DACH2: variants seen among roughly 807,000 people sequenced by gnomAD.
DACH2 encodes the protein dachshund homolog 2.
A neutral mutation model predicts 35.8 loss-of-function variants in DACH2; 17 were observed. The ratio of observed to expected loss-of-function variants is 0.48; its 90% confidence interval spans 0.33 to 0.71. The LOEUF is 0.71. DACH2 is among the 30% of genes least tolerant of loss of function. The pLI, the probability that DACH2 is intolerant of heterozygous loss-of-function variation, is 0.02. For synonymous variants in DACH2, 195 were observed against 177.3 expected, an observed-to-expected ratio of 1.10 and a Z score of -0.79; for missense variants, 469 against 472.7, an observed-to-expected ratio of 0.99 and a Z score of 0.07.
At chrX:86,554,729 A>T (rs1326205027) in intron 3 of DACH2, among the ~76,000 whole-genome samples, 1 of 111,722 alleles carries the variant, frequency 9.0e-6, no homozygotes, top group Non-Finnish European at 1.9e-5. Flanking sequence ...TTCTCCAAGG[A>T]ATATTTTTTC....
intron 7 of DACH2, chrX:86,799,181 A>G (rs902451750): frequency 1.1e-5 from 3 of 263,385 alleles, no homozygotes; most frequent in African/African-American, 8.5e-5. Context: ...TGATCCAACA[A>G]CTTTTTGAAA....
At chrX:86,318,141 AAT>A (rs1342931479) in intron 1 of DACH2, among the ~76,000 whole-genome samples, 2 of 112,246 alleles carry the variant, frequency 1.8e-5, no homozygotes, top group African/African-American at 3.2e-5. Flanking sequence ...AGAGCAAACA[AAT>A]ATGTTTCAAA....
chrX:86,779,533 G>A lies in DACH2; in HGVS notation c.1241-33323G>A, dbSNP rs188216119. On this transcript the variant is annotated intron_variant, in intron 7 of 11. Transcript: ENST00000373125. The stretch of plus-strand genomic sequence containing the variant: ...ACTGAAGGATTCTGAACAGAAAAGA[G>A]ATATAACCTGATTTATGTCTCAAAG... Among the ~76,000 whole-genome samples, 501 of 111,742 alleles carry A rather than the reference G, an allele frequency of 4.5e-3. 2 individuals are homozygous for A. The highest frequency in any genetic ancestry group is 8.2e-3 in the Non-Finnish European group (437 of 53,162).
At chrX:86,283,010 C>T (rs1369439108) in intron 1 of DACH2, among the ~76,000 whole-genome samples, 1 of 39,002 alleles carries the variant, frequency 2.6e-5, no homozygotes, top group Admixed American at 4.2e-4. Flanking sequence ...GATCTCCTGA[C>T]CTCGTGATCC....
At chrX:86,190,931 C>T (rs1016066789) in intron 1 of DACH2, among the ~76,000 whole-genome samples, 1 of 110,806 alleles carries the variant, frequency 9.0e-6, no homozygotes, top group Admixed American at 9.6e-5. Context: ...GCAACAAGGG[C>T]AAAACTTCAT....
At chrX:86,434,256 G>C (rs1165235139) in intron 2 of DACH2, among the ~76,000 whole-genome samples, 2 of 111,582 alleles carry the variant, frequency 1.8e-5, no homozygotes, top group East Asian at 5.6e-4. Flanking sequence ...GAGATATTTT[G>C]ATATGGGCAT....
At chrX:86,576,607 TA>T (rs1311341743) in intron 3 of DACH2, among the ~76,000 whole-genome samples, 2 of 111,095 alleles carry the variant, frequency 1.8e-5, no homozygotes, top group Non-Finnish European at 3.8e-5. Context: ...ATTTCAGACC[TA>T]AACCAAATAC....
chrX:86,636,375 G>A (rs773952691), intron 3 of DACH2, among the ~76,000 whole-genome samples: 1 of 109,688 alleles, frequency 9.1e-6, no homozygotes, highest in Admixed American at 9.7e-5. Context: ...TTGAACGCGG[G>A]AGGCAGAGGT....
At chrX:86,678,413 A>C (rs1439250583) in intron 4 of DACH2, among the ~76,000 whole-genome samples, 1 of 112,701 alleles carries the variant, frequency 8.9e-6, no homozygotes, top group African/African-American at 3.2e-5. Context: ...TTGAACAGCC[A>C]AAAGAAAACA....
At position 86,326,511 on chromosome X, in the gene DACH2, A is replaced by T. The variant is rs1361466694; in HGVS notation, c.489-50313A>T. Among the ~76,000 whole-genome samples the T allele has an allele frequency of 3.3e-5, 3 of 90,351 alleles. No individual in the cohort carries two copies. The Admixed American group carries it at 3.8e-4, about 11-fold the overall frequency. 78.5% of individuals were successfully genotyped at this position (90,351 alleles called of 115,157 possible). A position where few individuals can be genotyped will look rare whatever the true frequency, so the allele number is the denominator to read the frequency against. On this transcript the variant is annotated intron_variant, in intron 1 of 11. Transcript: ENST00000373125. ...CATACACACACACACACACACACAC[A>T]CATATATATATATATATATAATTTT...
At chrX:86,626,528 A>AC (rs1254342978) in intron 3 of DACH2, among the ~76,000 whole-genome samples, 1 of 111,605 alleles carries the variant, frequency 9.0e-6, no homozygotes, top group Admixed American at 9.4e-5. Flanking sequence ...GGGGGATCCC[A>AC]CCCCCCATTT....
chrX:86,402,495 G>A (rs1175720054), intron 2 of DACH2, among the ~76,000 whole-genome samples: 2 of 110,888 alleles, frequency 1.8e-5, no homozygotes, highest in East Asian at 2.8e-4. Context: ...ATCTCTACAA[G>A]GAGAAATACA....
intron 7 of DACH2, among the ~76,000 whole-genome samples, chrX:86,743,777 T>C (rs745570644): frequency 1.6e-4 from 18 of 111,255 alleles, no homozygotes; most frequent in Non-Finnish European, 3.4e-4. Flanking sequence ...ATGCAGATGA[T>C]TGATTTCAGA....
At chrX:86,184,106 T>C (rs1407052456) in intron 1 of DACH2, 1 of 129,971 alleles carries the variant, frequency 7.7e-6, no homozygotes, top group Non-Finnish European at 1.6e-5. Context: ...ATCTATTTTG[T>C]TAATCTTTTC....
intron 4 of DACH2, among the ~76,000 whole-genome samples, chrX:86,667,614 A>AAGAAAGAAAGAAAGGCAGGC (rs1556364404): frequency 4.5e-4 from 44 of 96,936 alleles, no homozygotes; most frequent in East Asian, 3.8e-3. Context: ...GAAAGAAAGA[A>AAGAAAGAAAGAAAGGCAGGC]AGGCAGGCAG....
chrX:86,326,538 T>A (rs2035119736), intron 1 of DACH2, among the ~76,000 whole-genome samples: 1 of 109,674 alleles, frequency 9.1e-6, no homozygotes, highest in Admixed American at 9.8e-5. Context: ...TATAATTTTT[T>A]AACTTTTATT....
intron 7 of DACH2, among the ~76,000 whole-genome samples, chrX:86,790,231 G>A (rs1197014625): frequency 1.8e-5 from 2 of 111,570 alleles, no homozygotes; most frequent in African/African-American, 6.5e-5. Context: ...TTTACTAAAT[G>A]TTCTACACCC....
intron 1 of DACH2, among the ~76,000 whole-genome samples, chrX:86,209,337 C>G (rs1357300796): frequency 9.0e-6 from 1 of 111,489 alleles, no homozygotes; most frequent in Admixed American, 9.5e-5. Flanking sequence ...CTTGGTGATT[C>G]TATCTAACCC....
intron 3 of DACH2, among the ~76,000 whole-genome samples, chrX:86,514,595 G>T (rs893532477): frequency 1.8e-5 from 2 of 111,796 alleles, no homozygotes; most frequent in Non-Finnish European, 3.8e-5. Context: ...AAAAATTGTC[G>T]TATCATTGCA....
Sources: allele counts gnomAD v4.1 joint callset (sites outside exome capture counted in the v4.1 genomes callset), GRCh38; gene constraint gnomAD v4.1.1; transcripts MANE v1.5; gene names NCBI Gene and HGNC (gene_info 2026-07-23, HGNC 2026-07-21).